The following CCDC110 variants were observed in gnomAD, a reference collection of about 807,000 sequenced individuals.
CCDC110 encodes the protein coiled-coil domain containing 110.
In CCDC110, 70 loss-of-function variants were observed where a neutral mutation model predicts 77.1. That is an observed-to-expected ratio of 0.91 (90% CI 0.75 to 1.11). The LOEUF (loss-of-function observed/expected upper bound fraction) is 1.11, where lower values mean the gene tolerates loss of function less well. Ranked by LOEUF, CCDC110 falls within the 50% of genes least tolerant of loss-of-function variation. The pLI, the probability that CCDC110 is intolerant of heterozygous loss-of-function variation, is 0.00. For missense variants in CCDC110, 868 were observed against 942.9 expected (o/e 0.92, Z 1.04); for synonymous variants, 295 against 312.5 (o/e 0.94, Z 0.59).
At position 185,459,029 on chromosome 4, in the gene CCDC110, C is replaced by T. The variant is rs758770832; in HGVS notation, c.1558G>A (p.Gly520Ser). ...TTTTCCTCTAGAGTTTTATTTTGGC[C>T]TTGCAGAACATTATATTTACTAATT... ...KIISKYNVLQ[G>S]QNKTLEEKNI... Residue 520 changes from glycine to serine, a missense_variant, in exon 6 of 7, where the codon GGC becomes AGC. Gly to Ser is a moderately conservative substitution (Grantham distance 56). Transcript: ENST00000307588. 6.3e-7 allele frequency: 1 copy of T among 1,583,532 alleles called. No individual in the cohort carries two copies. The highest frequency in any genetic ancestry group is 2.3e-5 in the East Asian group (1 of 44,404).
At chr4:185,460,274 C>T (rs1366789978) in intron 5 of CCDC110, 36 bp from the exon 6 acceptor site, 2 of 1,453,222 alleles carry the variant, frequency 1.4e-6, no homozygotes, top group African/African-American at 2.8e-5. Flanking sequence ...AATGTATTGT[C>T]ATTTGCCACA....
At chr4:185,448,178 G>A (rs545371127) in intron 6 of CCDC110, among the ~76,000 whole-genome samples, 15 of 151,932 alleles carry the variant, frequency 9.9e-5, no homozygotes, top group Non-Finnish European at 1.6e-4. Flanking sequence ...CCACCACCAC[G>A]CCCAGCTAAT....
rs561611790 is a variant in CCDC110 at position 185,468,609 on chromosome 4, C to T, written c.115+2336G>A. On this transcript the variant is annotated intron_variant, in intron 2 of 6. Transcript: ENST00000307588. The surrounding 1 kb of genome is among the most constrained non-coding windows in gnomAD (Gnocchi z 4.5). The stretch of plus-strand genomic sequence containing the variant: ...TCCCACCACAGGGTCTTTGCAGTTG[C>T]CATTCTCTCTGCCTGCGGTGCTCTT... Among the ~76,000 whole-genome samples, 1 of 152,124 alleles carries T rather than the reference C, an allele frequency of 6.6e-6. No individual in the cohort carries two copies. Among genetic ancestry groups the T allele is most frequent in the East Asian group, 1.9e-4 (1 of 5,156 alleles).
rs1264645947 is a variant in CCDC110, at chr4:185,468,051, G to A, written c.115+2894C>T. Among the ~76,000 whole-genome samples, 1 of 152,216 alleles carries A rather than the reference G, an allele frequency of 6.6e-6. No homozygotes were observed. Among genetic ancestry groups the A allele is most frequent in the African/African-American group, 2.4e-5 (1 of 41,460 alleles). ...CCCAAAATGCTGGGATTACAGGCGT[G>A]AGCCACCATGCCTGGCCGCAGGTTC... is the stretch of plus-strand genomic sequence containing the variant. On this transcript the variant is annotated intron_variant, in intron 2 of 6. Coordinates refer to ENST00000307588, the MANE Select transcript of CCDC110 (RefSeq NM_152775.4). The surrounding 1 kb of genome is among the most constrained non-coding windows in gnomAD (Gnocchi z 4.5).
intron 6 of CCDC110, chr4:185,452,226 T>G (rs560469695): frequency 4.1e-6 from 4 of 985,464 alleles, no homozygotes; most frequent in Non-Finnish European, 3.6e-6. Flanking sequence ...CTTACACATC[T>G]AGTTATCTAC....
chr4:185,458,995 T>A lies in CCDC110; in HGVS notation c.1592A>T (p.Gln531Leu). Reference protein sequence around the residue: ...QNKTLEEKNIQLSLEKQQMME... With the variant: ...QNKTLEEKNILLSLEKQQMME... ...CATTTGTTGCTTCTCTAAAGAAAGT[T>A]GTATATTTTTTTCCTCTAGAGTTTT... Residue 531 changes from glutamine to leucine, a missense_variant, in exon 6 of 7, where the codon CAA (glutamine) becomes CTA (leucine). By Grantham distance (113) the Gln-to-Leu change is moderately radical. Coordinates refer to ENST00000307588, the MANE Select transcript of CCDC110 (RefSeq NM_152775.4). The A allele has an allele frequency of 1.9e-6, 3 of 1,601,520 alleles. No individual in the cohort carries two copies. Among genetic ancestry groups the A allele is most frequent in the Non-Finnish European group, 2.5e-6 (3 of 1,176,708 alleles).
chr4:185,457,162 C>G, intron 6 of CCDC110: 1 of 438,638 alleles, frequency 2.3e-6, no homozygotes, highest in Non-Finnish European at 4.6e-6. Flanking sequence ...CCAGGATCAC[C>G]TCCAATAAAT....
At chr4:185,447,508 T>C (rs2095617303) in intron 6 of CCDC110, among the ~76,000 whole-genome samples, 2 of 152,180 alleles carry the variant, frequency 1.3e-5, no homozygotes. Context: ...AACATTTATC[T>C]CAATATGTCC....
At position 185,459,452 on chromosome 4, in the gene CCDC110, T is replaced by C; in HGVS notation, c.1135A>G (p.Arg379Gly). ...TGGTCGAGGAAGGACAGTGTGTATCTTGGAACTCTGGAATGGAATTTTAAA... is the reference window on the plus strand; with the variant it reads ...TGGTCGAGGAAGGACAGTGTGTATCCTGGAACTCTGGAATGGAATTTTAAA... ...TDLKFHSRVP[R>G]YTLSFLDQTK... The change falls in exon 6 of 7, where the codon AGA becomes GGA. Residue 379 changes from arginine (R) to glycine (G), a missense_variant. Physicochemically the swap from Arg to Gly is moderately radical, Grantham distance 125. Coordinates refer to ENST00000307588, the MANE Select transcript of CCDC110 (RefSeq NM_152775.4). The C allele has an allele frequency of 6.2e-7, 1 of 1,613,594 alleles. No homozygotes were observed. Among genetic ancestry groups the C allele is most frequent in the Non-Finnish European group, 8.5e-7 (1 of 1,179,636 alleles).
At chr4:185,449,114 A>G (rs1313568459) in intron 6 of CCDC110, among the ~76,000 whole-genome samples, 1 of 152,208 alleles carries the variant, frequency 6.6e-6, no homozygotes, top group African/African-American at 2.4e-5. Context: ...CTAAGTATAT[A>G]TGGCTTTAAT....
At chr4:185,452,163 A>G (rs2095630112) in intron 6 of CCDC110, 2 of 979,562 alleles carry the variant, frequency 2.0e-6, no homozygotes, top group Non-Finnish European at 2.4e-6. Flanking sequence ...TAACAATACA[A>G]AACAGTTTTA....
intron 1 of CCDC110, 123 bp downstream of exon 1, chr4:185,471,551 G>A (rs1263904469): frequency 1.9e-6 from 2 of 1,069,838 alleles, no homozygotes; most frequent in Non-Finnish European, 2.7e-6. Flanking sequence ...GATGTGCGGC[G>A]AGTGCAGAAG....
intron 1 of CCDC110, 25 bp downstream of exon 1, chr4:185,471,633 CCCGCGGCTCCCCTAGG>C (rs759804315): frequency 1.3e-6 from 2 of 1,551,314 alleles, no homozygotes. Context: ...GCCCTCCGTT[CCCGCGGCTCCCCTAGG>C]AGCCCCGCCC....
intron 6 of CCDC110, among the ~76,000 whole-genome samples, chr4:185,450,133 T>C (rs2095626585): frequency 2.6e-5 from 4 of 152,222 alleles, no homozygotes; most frequent in Admixed American, 2.0e-4. Flanking sequence ...AGATACAATA[T>C]ATACACATGA....
rs776694168 is a variant in CCDC110, at chr4:185,459,010, T to C, written c.1577A>G (p.Glu526Gly). 1 of 1,596,538 alleles carries C rather than the reference T, an allele frequency of 6.3e-7. No individual in the cohort carries two copies. The highest frequency in any genetic ancestry group is 8.5e-7 in the Non-Finnish European group (1 of 1,174,962). Reference protein sequence around the residue: ...NVLQGQNKTLEEKNIQLSLEK... With the variant: ...NVLQGQNKTLGEKNIQLSLEK... ...TAAAGAAAGTTGTATATTTTTTTCCTCTAGAGTTTTATTTTGGCCTTGCAG... is the reference window on the plus strand; with the variant it reads ...TAAAGAAAGTTGTATATTTTTTTCCCCTAGAGTTTTATTTTGGCCTTGCAG... The change falls in exon 6 of 7, where the codon GAG becomes GGG. Residue 526 changes from glutamate (E) to glycine (G), a missense_variant. Transcript: ENST00000307588.
In CCDC110 at chr4:185,461,592, T is replaced by C. The variant is rs182370291; in HGVS notation, c.238-433A>G. 4.0e-3 allele frequency among the ~76,000 whole-genome samples: 616 copies of C among 152,350 alleles called. 3 individuals carry two copies. The highest frequency in any genetic ancestry group is 0.014 in the African/African-American group (566 of 41,580). The stretch of plus-strand genomic sequence containing the variant: ...GTGTGTTACATACCCCCAATATCTA[T>C]ACTCTAGACTTCTGTTTATACTTCT... On this transcript the variant is annotated intron_variant, in intron 4 of 6. Coordinates refer to ENST00000307588, the MANE Select transcript of CCDC110 (RefSeq NM_152775.4).
At chr4:185,463,171 A>G in intron 2 of CCDC110, 122 bp from the exon 3 acceptor site, 3 of 681,874 alleles carry the variant, frequency 4.4e-6, no homozygotes, top group Non-Finnish European at 7.7e-6. Context: ...AGAACTTCTG[A>G]TATTCACACT....
Position 185,459,616 on chromosome 4 carries a change from G to T in CCDC110, c.971C>A (p.Pro324His). The T allele has an allele frequency of 6.2e-7, 1 of 1,612,548 alleles. No homozygotes were observed. The highest frequency in any genetic ancestry group is 1.1e-5 in the South Asian group (1 of 90,712). ...GAATTTTGACACAGTTTCCCTGAAG[G>T]GGAGTAATTTCTTCACTAATGCCTC... is the stretch of plus-strand genomic sequence containing the variant. Reference protein sequence around the residue: ...ELEALVKKLLPFRETVSKFHV... With the variant: ...ELEALVKKLLHFRETVSKFHV... The change falls in exon 6 of 7, where the codon CCC (proline) becomes CAC (histidine). Residue 324 changes from proline (P) to histidine (H), a missense_variant. By Grantham distance (77) the Pro-to-His change is moderately conservative. Coordinates refer to ENST00000307588, the MANE Select transcript of CCDC110 (RefSeq NM_152775.4).
intron 4 of CCDC110, among the ~76,000 whole-genome samples, chr4:185,462,074 G>C (rs1394389102): frequency 1.3e-5 from 2 of 152,090 alleles, no homozygotes; most frequent in African/African-American, 4.8e-5. Flanking sequence ...CTCCAGCCTG[G>C]GTGACAAAAA....
Sources: allele counts gnomAD v4.1 joint callset (sites outside exome capture counted in the v4.1 genomes callset), GRCh38; gene constraint gnomAD v4.1.1; non-coding constraint Gnocchi (gnomAD v3.1); transcripts MANE v1.5; gene names NCBI Gene and HGNC (gene_info 2026-07-23, HGNC 2026-07-21).